GANC: variants seen among roughly 807,000 people sequenced by gnomAD.
The protein encoded by GANC is glucosidase alpha, neutral C.
Under a neutral mutation model 124.2 loss-of-function variants are expected in GANC, and 117 were observed. The observed-to-expected ratio is 0.94, with a 90% CI of 0.81 to 1.10. The LOEUF (loss-of-function observed/expected upper bound fraction) is 1.10, where lower values mean the gene tolerates loss of function less well. Ranked by LOEUF, GANC falls within the 50% of genes least tolerant of loss-of-function variation. The pLI, the probability that GANC is intolerant of heterozygous loss-of-function variation, is 0.00. For missense variants in GANC, 1,140 were observed against 1,095.0 expected, an observed-to-expected ratio of 1.04 and a Z score of -0.58; for synonymous variants, 377 against 376.8, an observed-to-expected ratio of 1.00 and a Z score of -0.01.
chr15:42,328,815 A>T (rs2052217418), intron 13 of GANC, among the ~76,000 whole-genome samples: 2 of 152,222 alleles, frequency 1.3e-5, no homozygotes, highest in Admixed American at 6.5e-5. Flanking sequence ...TCTGTGTAGG[A>T]TACAAACTAT....
chr15:42,322,007 G>C lies in GANC; in HGVS notation c.1280G>C (p.Ser427Thr). ...AAGAGGATGCAAGAGCTGCTCAGGA[G>C]CAAAAAGCGTAAGGTAAAATAAGCC... ...NPKRMQELLR[S>T]KKRKLVVISD... is the part of the protein sequence containing the mutation. Residue 427 changes from serine (S) to threonine (T), a missense_variant, in exon 11 of 24, where the codon AGC becomes ACC. Ser to Thr is a moderately conservative substitution (Grantham distance 58, BLOSUM62 1). Transcript: ENST00000318010. 6.2e-7 allele frequency: 1 copy of C among 1,610,192 alleles called. No homozygotes were observed. Among genetic ancestry groups the C allele is most frequent in the Non-Finnish European group, 8.5e-7 (1 of 1,178,326 alleles).
rs747803790 is a variant in GANC, at chr15:42,329,337, A to T, written c.1532A>T (p.Asp511Val). The T allele has an allele frequency of 1.2e-6, 2 of 1,613,952 alleles. No homozygotes were observed. Among genetic ancestry groups the T allele is most frequent in the South Asian group, 2.2e-5 (2 of 91,040 alleles). The change falls in exon 14 of 24, where the codon GAC becomes GTC. Residue 511 changes from aspartate (D) to valine (V), a missense_variant. Asp to Val is a radical substitution (Grantham distance 152). Transcript: ENST00000318010. ...GSTDILFLWN[D>V]MNEPSVFRGP... ...ACGGACATCCTCTTCCTTTGGAATG[A>T]CATGAATGAGCCTTCTGTCTTTAGA...
intron 10 of GANC, among the ~76,000 whole-genome samples, chr15:42,312,827 C>G (rs947000896): frequency 1.3e-5 from 2 of 151,256 alleles, no homozygotes; most frequent in South Asian, 4.2e-4. Context: ...TCCAGCTACT[C>G]GGGAGGCTGA....
Position 42,300,877 on chromosome 15 carries a change from G to A in GANC, c.558+3221G>A, listed in dbSNP as rs1417453616. ...GTACTAAAAATACAAAATTAGCTGG[G>A]CGTGGTAGTGCATGCCTGTAATCCC... is the stretch of plus-strand genomic sequence containing the variant. On this transcript the variant is annotated intron_variant, in intron 6 of 23. Transcript: ENST00000318010. 2.6e-5 allele frequency among the ~76,000 whole-genome samples: 4 copies of A among 152,154 alleles called. No homozygotes were observed. In the East Asian group the frequency reaches 7.8e-4, roughly 29 times the overall value.
intron 13 of GANC, among the ~76,000 whole-genome samples, chr15:42,328,189 TGTAGTTTCTGGCATCAA>T (rs1404529964): frequency 6.6e-6 from 1 of 152,190 alleles, no homozygotes; most frequent in Middle Eastern, 3.2e-3. Context: ...ACCACTAAAC[TGTAGTTTCTGGCATCAA>T]GTATTAGGGC....
chr15:42,336,148 AAG>A (rs1481275151), intron 15 of GANC, among the ~76,000 whole-genome samples: 1 of 146,892 alleles, frequency 6.8e-6, no homozygotes, highest in Non-Finnish European at 1.5e-5. Context: ...AAAAAAAAAA[AAG>A]AAAAAAAAAA....
Position 42,292,873 on chromosome 15 carries a change from G to A in GANC, c.468G>A (p.Leu156=), listed in dbSNP as rs948265736. The A allele has an allele frequency of 3.7e-6, 6 of 1,613,840 alleles. No homozygotes were observed. The African/African-American group carries it at 5.3e-5, about 14-fold the overall frequency. ...AGGTTGTGATTAGCATAAATTCCCT[G>A]GGCCAATTATACTTTGAGCATCTAC... is the stretch of plus-strand genomic sequence containing the variant. ...EEEVVISINS[L]GQLYFEHLQI... The change falls in exon 5 of 24, where the codon CTG becomes CTA. Residue 156 remains leucine, a synonymous_variant. Transcript: ENST00000318010.
chr15:42,292,655 T>C, intron 4 of GANC, 80 bp from the exon 5 acceptor site: 2 of 1,330,928 alleles, frequency 1.5e-6, no homozygotes, highest in South Asian at 2.8e-5. Flanking sequence ...ATTTACTAAT[T>C]AATTACTTGG....
In GANC at chr15:42,274,530, G is replaced by A. The variant is rs771824578; in HGVS notation, c.29+20G>A. On this transcript the variant is annotated intron_variant, in intron 1 of 23. Transcript: ENST00000318010. ...AATAAGGTAAAGGCCAAGTGCTTCT[G>A]TAGCGAGTGACCCCAGGGTCCCTAG... 6.2e-7 allele frequency: 1 copy of A among 1,603,460 alleles called. No homozygotes were observed. Among genetic ancestry groups the A allele is most frequent in the Non-Finnish European group, 8.5e-7 (1 of 1,175,154 alleles).
rs760238199 is a variant in GANC, at chr15:42,297,659, AATCTAGAT to A, written c.558+4_558+11del. Reference sequence around the variant, plus strand: ...AGACATCAGTGGACACCTCTCAGGTAATCTAGATTGATCCATTTATTGTTATCTTTTTC... The same window carrying A: ...AGACATCAGTGGACACCTCTCAGGTATGATCCATTTATTGTTATCTTTTTC... On this transcript the variant is annotated splice_donor_5th_base_variant and intron_variant, in intron 6 of 23. Transcript: ENST00000318010. The A allele has an allele frequency of 1.1e-5, 17 of 1,595,126 alleles. No homozygotes were observed. The East Asian group carries it at 3.6e-4, about 34-fold the overall frequency.
intron 13 of GANC, among the ~76,000 whole-genome samples, chr15:42,328,806 C>T (rs1268328830): frequency 6.6e-6 from 1 of 152,186 alleles, no homozygotes; most frequent in African/African-American, 2.4e-5. Context: ...CTGAACAGTT[C>T]TGTGTAGGAT....
chr15:42,289,633 G>C (rs2051822840), intron 4 of GANC, among the ~76,000 whole-genome samples: 1 of 151,680 alleles, frequency 6.6e-6, no homozygotes, highest in African/African-American at 2.4e-5. Context: ...ATAAGCAACA[G>C]CCTCTCAAGG....
chr15:42,291,197 G>A (rs2051837630), intron 4 of GANC, among the ~76,000 whole-genome samples: 1 of 152,118 alleles, frequency 6.6e-6, no homozygotes, highest in Admixed American at 6.5e-5. Flanking sequence ...TGGTTTCTGA[G>A]GAATTCCTAG....
Position 42,287,675 on chromosome 15 carries a change from T to TA in GANC, c.202-16_202-15insA. 6.2e-7 allele frequency: 1 copy of TA among 1,608,640 alleles called. No homozygotes were observed. Among genetic ancestry groups the TA allele is most frequent in the Non-Finnish European group, 8.5e-7 (1 of 1,178,044 alleles). On this transcript the variant is annotated splice_polypyrimidine_tract_variant and intron_variant, in intron 3 of 23. Transcript: ENST00000318010. Reference sequence around the variant, plus strand: ...TGGGTAACCTGTTGAAGGTAATCTCTTGTATCTGTTTCCAGGTTCCTCTCC... The same window carrying TA: ...TGGGTAACCTGTTGAAGGTAATCTCTATGTATCTGTTTCCAGGTTCCTCTCC...
chr15:42,343,703 C>T (rs2052343848), intron 19 of GANC, among the ~76,000 whole-genome samples: 1 of 152,102 alleles, frequency 6.6e-6, no homozygotes, highest in African/African-American at 2.4e-5. Context: ...GCCCAGGGCA[C>T]TGAACCCAGG....
Position 42,327,330 on chromosome 15 carries a change from C to T in GANC, c.1421-33C>T, listed in dbSNP as rs200984223. ...GCATCCTACTGTGAGGACCACTGTT[C>T]TTGACAGGCTATCTACTGTTCTGCC... On this transcript the variant is annotated intron_variant, in intron 12 of 23. Coordinates refer to ENST00000318010, the MANE Select transcript of GANC (RefSeq NM_198141.3). The T allele has an allele frequency of 3.9e-4, 604 of 1,533,046 alleles. 1 individual carries two copies. Among genetic ancestry groups the T allele is most frequent in the Non-Finnish European group, 7.5e-5 (84 of 1,113,652 alleles). 95.0% of individuals were successfully genotyped at this position (1,533,046 alleles called of 1,614,324 possible).
intron 10 of GANC, among the ~76,000 whole-genome samples, chr15:42,320,581 G>A (rs1438716775): frequency 6.6e-6 from 1 of 151,770 alleles, no homozygotes; most frequent in Non-Finnish European, 1.5e-5. Flanking sequence ...CCCAAGTAGT[G>A]GGGACTACAG....
intron 11 of GANC, among the ~76,000 whole-genome samples, chr15:42,323,412 G>A (rs2052176465): frequency 6.6e-6 from 1 of 152,194 alleles, no homozygotes; most frequent in Non-Finnish European, 1.5e-5. Flanking sequence ...AAAGGTCAGG[G>A]TAGGGGCAGG....
chr15:42,327,583 C>T, intron 13 of GANC, 141 bp downstream of exon 13: 1 of 671,906 alleles, frequency 1.5e-6, no homozygotes, highest in South Asian at 1.9e-5. Flanking sequence ...ATGGCCACCA[C>T]ATTACAGACT....
Sources: allele counts gnomAD v4.1 joint callset (sites outside exome capture counted in the v4.1 genomes callset), GRCh38; gene constraint gnomAD v4.1.1; transcripts MANE v1.5; gene names NCBI Gene and HGNC (gene_info 2026-07-23, HGNC 2026-07-21).